The following ADGRL3 variants were observed in gnomAD, a reference collection of about 807,000 sequenced individuals.
ADGRL3 encodes the protein adhesion G protein-coupled receptor L3.
A neutral mutation model predicts 153.5 loss-of-function variants in ADGRL3; 62 were observed. The ratio of observed to expected loss-of-function variants is 0.40; its 90% CI spans 0.33 to 0.50. ADGRL3 has a LOEUF of 0.50. Ranked by LOEUF, ADGRL3 falls within the 20% of genes least tolerant of loss-of-function variation. The pLI, the probability that ADGRL3 is intolerant of heterozygous loss-of-function variation, is 0.47. For synonymous variants in ADGRL3, 710 were observed against 672.5 expected (o/e 1.06, Z -0.86); for missense variants, 1,641 against 1,859.4 (o/e 0.88, Z 2.16).
intron 6 of ADGRL3, among the ~76,000 whole-genome samples, chr4:61,729,799 G>A (rs768048499): frequency 3.3e-5 from 5 of 151,954 alleles, no homozygotes; most frequent in African/African-American, 9.7e-5. Flanking sequence ...GTATTGGTCA[G>A]TACCTTAAAA....
chr4:61,744,375 C>T (rs917591349), intron 8 of ADGRL3, among the ~76,000 whole-genome samples: 117 of 152,302 alleles, frequency 7.7e-4, no homozygotes, highest in Non-Finnish European at 6.5e-4. Context: ...TCACCCAGCA[C>T]GCAGCTGGAG....
chr4:61,248,741 T>G (rs1758044625), intron 1 of ADGRL3, among the ~76,000 whole-genome samples: 1 of 152,146 alleles, frequency 6.6e-6, no homozygotes, highest in African/African-American at 2.4e-5. Flanking sequence ...GTTTTGAAAA[T>G]TATTTCTCCT....
chr4:61,954,145 A>T (rs888354990), intron 17 of ADGRL3, among the ~76,000 whole-genome samples: 3 of 152,022 alleles, frequency 2.0e-5, no homozygotes, highest in Non-Finnish European at 4.4e-5. Flanking sequence ...TATACTTATG[A>T]TATTCTCTCA....
chr4:61,983,351 G>C (rs1349368794), intron 18 of ADGRL3, 32 bp from the exon 19 acceptor site: 2 of 1,572,166 alleles, frequency 1.3e-6, no homozygotes, highest in East Asian at 2.2e-5. Context: ...ATGTGGTAGA[G>C]ATTTGACTAA....
At chr4:61,432,055 T>G (rs2097362247) in intron 2 of ADGRL3, among the ~76,000 whole-genome samples, 1 of 152,204 alleles carries the variant, frequency 6.6e-6, no homozygotes, top group African/African-American at 2.4e-5. Flanking sequence ...GTTGCCTTGC[T>G]TGGTATATGT....
chr4:61,405,994 A>G (rs2096990202), intron 2 of ADGRL3, among the ~76,000 whole-genome samples: 1 of 152,046 alleles, frequency 6.6e-6, no homozygotes, highest in African/African-American at 2.4e-5. Context: ...AGATATCACC[A>G]GGAATAAACA....
chr4:62,061,297 ATT>A (rs1418441848), intron 25 of ADGRL3, among the ~76,000 whole-genome samples: 1 of 151,802 alleles, frequency 6.6e-6, no homozygotes, highest in Non-Finnish European at 1.5e-5. Flanking sequence ...TTTTGAGATA[ATT>A]GTAGATTCAC....
At chr4:61,245,671 C>A (rs1252346187) in intron 1 of ADGRL3, among the ~76,000 whole-genome samples, 1 of 152,036 alleles carries the variant, frequency 6.6e-6, no homozygotes, top group African/African-American at 2.4e-5. Flanking sequence ...GAATATGTTG[C>A]CAGTCTCAAA....
intron 2 of ADGRL3, among the ~76,000 whole-genome samples, chr4:61,468,292 A>G (rs930426650): frequency 6.6e-6 from 1 of 152,150 alleles, no homozygotes; most frequent in African/African-American, 2.4e-5. Flanking sequence ...TACTAGGCTT[A>G]TAAATACCAG....
At chr4:61,491,679 C>G (rs904184671) in intron 2 of ADGRL3, among the ~76,000 whole-genome samples, 2 of 152,050 alleles carry the variant, frequency 1.3e-5, no homozygotes, top group African/African-American at 4.8e-5. Context: ...CTTGATATCC[C>G]AAAGTGTTGG....
At chr4:61,936,766 A>C (rs2098840370) in intron 15 of ADGRL3, among the ~76,000 whole-genome samples, 1 of 138,344 alleles carries the variant, frequency 7.2e-6, no homozygotes, top group Non-Finnish European at 1.5e-5. Flanking sequence ...ATATTTGTAC[A>C]TATGTACATA....
At chr4:61,805,322 A>G (rs1443189004) in intron 8 of ADGRL3, among the ~76,000 whole-genome samples, 1 of 152,140 alleles carries the variant, frequency 6.6e-6, no homozygotes, top group Non-Finnish European at 1.5e-5. Context: ...TATCAGCAGG[A>G]AAAGAAAATT....
chr4:61,495,133 G>A (rs2098299136), intron 2 of ADGRL3, among the ~76,000 whole-genome samples: 2 of 152,252 alleles, frequency 1.3e-5, no homozygotes, highest in African/African-American at 2.4e-5. Context: ...ATGCTATATA[G>A]TTAAATGACT....
intron 25 of ADGRL3, among the ~76,000 whole-genome samples, chr4:62,049,221 C>T (rs1227584885): frequency 6.6e-6 from 1 of 152,042 alleles, no homozygotes; most frequent in Non-Finnish European, 1.5e-5. Context: ...GCCCCATTCC[C>T]ACCCCAGCCC....
intron 6 of ADGRL3, among the ~76,000 whole-genome samples, chr4:61,720,183 AG>A (rs1554012165): frequency 6.7e-6 from 1 of 149,762 alleles, no homozygotes; most frequent in Non-Finnish European, 1.5e-5. Context: ...TCCGCCTCCC[AG>A]GTTGAAGGGA....
chr4:61,698,437 G>A (rs2095683417), intron 6 of ADGRL3, among the ~76,000 whole-genome samples: 1 of 151,982 alleles, frequency 6.6e-6, no homozygotes, highest in African/African-American at 2.4e-5. Flanking sequence ...GGGTGACAGT[G>A]AGACTCCATC....
chr4:61,667,497 T>A (rs1012770503), intron 5 of ADGRL3, among the ~76,000 whole-genome samples: 3 of 152,192 alleles, frequency 2.0e-5, no homozygotes, highest in Non-Finnish European at 4.4e-5. Flanking sequence ...TCACTTTTCA[T>A]TTGTTTCTAG....
intron 2 of ADGRL3, among the ~76,000 whole-genome samples, chr4:61,429,094 G>A (rs914682963): frequency 3.9e-5 from 6 of 152,066 alleles, no homozygotes; most frequent in Non-Finnish European, 5.9e-5. Flanking sequence ...CTTGTATTCT[G>A]TTCTCCAGGA....
chr4:61,767,048 C>T (rs963483352), intron 8 of ADGRL3, among the ~76,000 whole-genome samples: 125 of 151,880 alleles, frequency 8.2e-4, no homozygotes, highest in African/African-American at 2.7e-3. Context: ...GGGATATTGG[C>T]GTTGAGTGGG....
Sources: allele counts gnomAD v4.1 joint callset (sites outside exome capture counted in the v4.1 genomes callset), GRCh38; gene constraint gnomAD v4.1.1; transcripts MANE v1.5; gene names NCBI Gene and HGNC (gene_info 2026-07-23, HGNC 2026-07-21).